The following FBLN2 variants were observed in gnomAD, a reference collection of about 807,000 sequenced individuals.
FBLN2 encodes the protein fibulin-2.
Under a neutral mutation model 123.7 loss-of-function variants are expected in FBLN2, and 81 were observed. That is an observed-to-expected ratio of 0.65 (90% CI 0.55 to 0.79). The LOEUF (loss-of-function observed/expected upper bound fraction) is 0.79. FBLN2 is among the 30% of genes least tolerant of loss of function. The pLI, the probability that FBLN2 is intolerant of heterozygous loss-of-function variation, is 0.00. For synonymous variants in FBLN2, 699 were observed against 701.4 expected (o/e 1.00, Z 0.05); for missense variants, 1,603 against 1,681.3 (o/e 0.95, Z 0.81).
chr3:13,558,753 TCGTC>T (rs1264709002), intron 1 of FBLN2, among the ~76,000 whole-genome samples: 1 of 42,118 alleles, frequency 2.4e-5, no homozygotes, highest in African/African-American at 8.8e-5. Flanking sequence ...ATCCATTCAC[TCGTC>T]CATCCATCCA....
At chr3:13,618,050 G>A in intron 5 of FBLN2, 26 bp from the exon 6 acceptor site, 3 of 1,610,348 alleles carry the variant, frequency 1.9e-6, no homozygotes, top group Non-Finnish European at 2.5e-6. Context: ...AGCTGGCTCT[G>A]TCTTGAGCTC....
At chr3:13,622,017 C>A in intron 9 of FBLN2, 102 bp downstream of exon 9, 3 of 1,333,022 alleles carry the variant, frequency 2.3e-6, no homozygotes, top group Non-Finnish European at 3.1e-6. Flanking sequence ...CTGCCCTTTG[C>A]ATGTGAGCTC....
intron 2 of FBLN2, among the ~76,000 whole-genome samples, chr3:13,598,920 T>C (rs1294451296): frequency 6.6e-6 from 1 of 152,150 alleles, no homozygotes. Flanking sequence ...TTGGACTGGC[T>C]CATGAGGGAT....
chr3:13,571,438 C>A lies in FBLN2; in HGVS notation c.1083C>A (p.Ser361Arg), dbSNP rs1372161995. The A allele has an allele frequency of 1.9e-6, 3 of 1,612,620 alleles. No individual in the cohort carries two copies. The African/African-American group carries it at 4.0e-5, about 22-fold the overall frequency. Residue 361 changes from serine (S) to arginine (R), a missense_variant, in exon 2 of 18, where the codon AGC (serine) becomes AGA (arginine). Physicochemically the swap from Ser to Arg is moderately radical, Grantham distance 110 (BLOSUM62 -1). Transcript: ENST00000404922. The part of the protein sequence containing the change: ...TGPEGVTHAP[S>R]LGKAALVPTQ... ...CGGAGGGCGTGACGCATGCACCGAG[C>A]CTGGGCAAGGCTGCTCTCGTCCCAA...
intron 2 of FBLN2, among the ~76,000 whole-genome samples, chr3:13,606,634 T>G: frequency 6.6e-6 from 1 of 151,484 alleles, no homozygotes. Flanking sequence ...ACATATTTTA[T>G]ATGTTATATA....
chr3:13,615,572 G>A (rs1705569769), intron 5 of FBLN2, among the ~76,000 whole-genome samples: 1 of 152,240 alleles, frequency 6.6e-6, no homozygotes, highest in African/African-American at 2.4e-5. Flanking sequence ...CTTCACTGTG[G>A]CATCTGTCAA....
chr3:13,570,072 G>A (rs962504261), intron 1 of FBLN2, among the ~76,000 whole-genome samples: 6 of 152,152 alleles, frequency 3.9e-5, no homozygotes, highest in African/African-American at 1.4e-4. Context: ...CACGTGTGGG[G>A]CTGTCAGCGA....
At chr3:13,628,827 C>T (rs1239451640) in intron 11 of FBLN2, 78 bp from the exon 12 acceptor site, 11 of 1,537,586 alleles carry the variant, frequency 7.2e-6, no homozygotes, top group Non-Finnish European at 7.9e-6. Flanking sequence ...CGACCCCCTC[C>T]CAGTGTGGCC....
intron 1 of FBLN2, among the ~76,000 whole-genome samples, chr3:13,549,684 C>G (rs1402499402): frequency 6.6e-6 from 1 of 151,526 alleles, no homozygotes; most frequent in African/African-American, 2.4e-5. Flanking sequence ...CCCTCCATCA[C>G]CCCCAAGTCA....
At chr3:13,584,959 C>G (rs1704450692) in intron 2 of FBLN2, among the ~76,000 whole-genome samples, 1 of 152,230 alleles carries the variant, frequency 6.6e-6, no homozygotes, top group Non-Finnish European at 1.5e-5. Context: ...GGAAGCTGAT[C>G]AGAGAATGGC....
rs556004379 is a variant in FBLN2, at chr3:13,629,045, G to A, written c.2710G>A (p.Val904Met). 6.2e-7 allele frequency: 1 copy of A among 1,613,080 alleles called. No homozygotes were observed. Among genetic ancestry groups the A allele is most frequent in the Non-Finnish European group, 8.5e-7 (1 of 1,179,720 alleles). Residue 904 changes from valine (V) to methionine (M), a missense_variant, in exon 12 of 18, where the codon GTG becomes ATG. By Grantham distance (21) the Val-to-Met change is conservative (BLOSUM62 1). Transcript: ENST00000404922. ...CGCCAGCGATGATGGGACCAAGTGT[G>A]TGGGTAAGGCCAGCCGCCTCCGCCC... ...YHASDDGTKC[V>M]DVNECETGVH...
chr3:13,632,936 A>G (rs1240333394), intron 16 of FBLN2, among the ~76,000 whole-genome samples: 2 of 152,124 alleles, frequency 1.3e-5, no homozygotes. Context: ...ATCCTTCTAG[A>G]TTGTGATTTC....
At chr3:13,553,956 A>G (rs2063889) in intron 1 of FBLN2, among the ~76,000 whole-genome samples, 127,706 of 152,224 alleles carry the variant, frequency 0.84, 53,775 homozygotes, top group East Asian at 1. Context: ...GCCTTGAAAC[A>G]GGAGGAGGGC....
At position 13,629,276 on chromosome 3, in the gene FBLN2, T is replaced by C. The variant is rs4684968; in HGVS notation, c.2826T>C (p.Phe942=). The C allele has an allele frequency of 0.68, 1,098,947 of 1,610,110 alleles. 379,535 individuals are homozygous for C. Among genetic ancestry groups the C allele is most frequent in the East Asian group, 0.99 (44,275 of 44,790 alleles). The change falls in exon 13 of 18, where the codon TTT becomes TTC. Residue 942 remains phenylalanine (F), a synonymous_variant. Coordinates refer to ENST00000404922, the MANE Select transcript of FBLN2 (RefSeq NM_001004019.2). ...DCKAGFQRDA[F]GRGCIDVNEC... ...AAGCCGGCTTTCAGCGGGATGCCTT[T>C]GGCCGGGGCTGCATCGGTAGGTAGG...
intron 4 of FBLN2, 32 bp downstream of exon 4, chr3:13,609,674 T>TGGGGGGGGG: frequency 3.2e-5 from 2 of 62,552 alleles, no homozygotes; most frequent in Non-Finnish European, 5.6e-5. Context: ...CAAGGCAGGG[T>TGGGGGGGGG]GGGGTGGGGC....
chr3:13,563,589 C>T (rs1302974611), intron 1 of FBLN2, among the ~76,000 whole-genome samples: 3 of 152,222 alleles, frequency 2.0e-5, no homozygotes, highest in African/African-American at 7.2e-5. Flanking sequence ...CCCGACAGAC[C>T]ATGCCCTCAA....
intron 2 of FBLN2, 34 bp from the exon 3 acceptor site, chr3:13,608,028 G>A (rs1185300322): frequency 1.3e-6 from 2 of 1,528,738 alleles, no homozygotes; most frequent in East Asian, 2.4e-5. Context: ...GGTGACTTAT[G>A]AATGGTGACT....
chr3:13,563,321 G>C (rs1703660965), intron 1 of FBLN2, among the ~76,000 whole-genome samples: 1 of 152,228 alleles, frequency 6.6e-6, no homozygotes, highest in African/African-American at 2.4e-5. Flanking sequence ...ACAGGTGCTG[G>C]CTGCTGATGG....
intron 2 of FBLN2, among the ~76,000 whole-genome samples, chr3:13,584,177 G>A (rs1704424565): frequency 6.6e-6 from 1 of 152,236 alleles, no homozygotes; most frequent in Admixed American, 6.5e-5. Context: ...AACTTCATAT[G>A]ACAGCTCCCA....
Sources: gnomAD v4.1 joint callset for allele counts (sites outside exome capture counted in the v4.1 genomes callset) on GRCh38, gnomAD v4.1.1 for gene constraint, MANE v1.5 for transcripts, NCBI Gene and HGNC (gene_info 2026-07-23, HGNC 2026-07-21) for gene names.